Variants in RBFOX1 observed in about 807,000 individuals in gnomAD.
The protein encoded by RBFOX1 is RNA binding fox-1 homolog 1, also known as RNA binding protein fox-1 homolog 1.
A neutral mutation model predicts 57.7 loss-of-function variants in RBFOX1; 8 were observed. The observed-to-expected ratio is 0.14, with a 90% CI of 0.08 to 0.25. RBFOX1 has a LOEUF of 0.25. RBFOX1 is among the 10% of genes least tolerant of loss of function. The probability of loss-of-function intolerance (pLI) is 1.00; values close to 1 mark genes in which losing one functional copy is unlikely to be tolerated. For missense variants in RBFOX1, 611 were observed against 548.5 expected (o/e 1.11, Z -1.14); for synonymous variants, 326 against 222.4 (o/e 1.47, Z -4.15).
At chr16:7,621,414 C>G (rs1399973845) in intron 10 of RBFOX1, among the ~76,000 whole-genome samples, 5 of 152,074 alleles carry the variant, frequency 3.3e-5, no homozygotes, top group African/African-American at 1.2e-4. Context: ...GCATATGCCA[C>G]CACGCCTGGC....
At chr16:7,477,769 C>G (rs112309152) in intron 4 of RBFOX1, among the ~76,000 whole-genome samples, 49 of 152,178 alleles carry the variant, frequency 3.2e-4, no homozygotes, top group African/African-American at 1.2e-3. Flanking sequence ...CCTTTCCCTT[C>G]TCTTCCCATA....
At chr16:6,280,543 C>T (rs1225290584) in intron 1 of RBFOX1, among the ~76,000 whole-genome samples, 1 of 152,098 alleles carries the variant, frequency 6.6e-6, no homozygotes, top group Non-Finnish European at 1.5e-5. Flanking sequence ...CATGCGTCCA[C>T]ACAGCATCCA....
chr16:5,421,130 G>A (rs930413096), intron 1 of RBFOX1, among the ~76,000 whole-genome samples: 3 of 151,248 alleles, frequency 2.0e-5, no homozygotes, highest in South Asian at 2.1e-4. Flanking sequence ...CCTTAGCCTC[G>A]AGAGTAGCTG....
At position 6,097,498 on chromosome 16, in the gene RBFOX1, AC is replaced by A. The variant is rs1315001066; in HGVS notation, c.-127+77508del. ...AGAAGCAGAATCTCTGGTGGCAGGA[AC>A]CAGCAATCTGTGCTTTCAACAAGCT... On this transcript the variant is annotated intron_variant, in intron 1 of 15. Coordinates refer to ENST00000550418, the MANE Select transcript of RBFOX1 (RefSeq NM_018723.4). This position sits in a 1 kb window ranked among gnomAD's most constrained non-coding sequence, Gnocchi z 5.0. Among the ~76,000 whole-genome samples the A allele has an allele frequency of 6.6e-6, 1 of 152,170 alleles. No individual in the cohort carries two copies. The highest frequency in any genetic ancestry group is 1.5e-5 in the Non-Finnish European group (1 of 68,026).
intron 2 of RBFOX1, among the ~76,000 whole-genome samples, chr16:6,404,088 G>A (rs1596670477): frequency 6.6e-6 from 1 of 152,068 alleles, no homozygotes; most frequent in South Asian, 2.1e-4. Flanking sequence ...CATGTCCATG[G>A]ACTCGGCATC....
chr16:7,545,553 T>C (rs1049999110), intron 5 of RBFOX1, among the ~76,000 whole-genome samples: 1 of 152,136 alleles, frequency 6.6e-6, no homozygotes, highest in Admixed American at 6.5e-5. Context: ...TGCTATTTCT[T>C]AGAGCTTAGG....
intron 2 of RBFOX1, among the ~76,000 whole-genome samples, chr16:6,618,475 C>T (rs1477687904): frequency 6.6e-6 from 1 of 152,182 alleles, no homozygotes; most frequent in Non-Finnish European, 1.5e-5. Flanking sequence ...TAGTAGCACA[C>T]ACTTCCTGAT....
intron 2 of RBFOX1, among the ~76,000 whole-genome samples, chr16:6,518,791 G>GTGTC (rs1479145316): frequency 8.4e-4 from 118 of 140,880 alleles, no homozygotes; most frequent in African/African-American, 2.6e-3. Flanking sequence ...GTCTGTCTGT[G>GTGTC]TGTCTGTCTA....
intron 1 of RBFOX1, among the ~76,000 whole-genome samples, chr16:6,284,955 C>G (rs1334243066): frequency 6.6e-6 from 1 of 152,064 alleles, no homozygotes; most frequent in Non-Finnish European, 1.5e-5. Context: ...TCTTGCCTGA[C>G]ACAGAAAACC....
chr16:6,560,037 G>A (rs925612541), intron 2 of RBFOX1, among the ~76,000 whole-genome samples: 2 of 152,078 alleles, frequency 1.3e-5, no homozygotes, highest in African/African-American at 4.8e-5. Context: ...TACTACCTAT[G>A]CTAAAATCAT....
chr16:7,037,870 A>G (rs945748032), intron 3 of RBFOX1, among the ~76,000 whole-genome samples: 3 of 152,206 alleles, frequency 2.0e-5, no homozygotes, highest in African/African-American at 7.2e-5. Flanking sequence ...CTGCCCAGAT[A>G]AGGCCATGGC....
intron 4 of RBFOX1, among the ~76,000 whole-genome samples, chr16:7,208,478 T>C (rs932269305): frequency 6.6e-6 from 1 of 152,148 alleles, no homozygotes; most frequent in East Asian, 1.9e-4. Context: ...GGAGCTGGTA[T>C]GTGCAGAGAT....
intron 3 of RBFOX1, among the ~76,000 whole-genome samples, chr16:6,978,604 G>A (rs8051080): frequency 0.59 from 89,333 of 152,062 alleles, 27,724 homozygotes; most frequent in Non-Finnish European, 0.69. Flanking sequence ...CAGGTTGGGT[G>A]CCTTCCACAT....
At chr16:5,696,475 A>G (rs1166220823) in intron 3 of RBFOX1, among the ~76,000 whole-genome samples, 2 of 152,200 alleles carry the variant, frequency 1.3e-5, no homozygotes, top group Non-Finnish European at 2.9e-5. Flanking sequence ...ATAATTGTGA[A>G]CTTGCTTCCT....
At chr16:5,589,335 C>T (rs190056216) in intron 2 of RBFOX1, among the ~76,000 whole-genome samples, 5 of 152,288 alleles carry the variant, frequency 3.3e-5, no homozygotes, top group East Asian at 3.9e-4. Context: ...GGGGTCCCAG[C>T]GTTCAACTTA....
At chr16:5,740,056 C>T (rs2052720455) in intron 3 of RBFOX1, among the ~76,000 whole-genome samples, 1 of 152,156 alleles carries the variant, frequency 6.6e-6, no homozygotes, top group Non-Finnish European at 1.5e-5. Flanking sequence ...TATTTTTCCA[C>T]AGCAAACAGA....
At chr16:6,209,507 C>G in intron 1 of RBFOX1, among the ~76,000 whole-genome samples, 1 of 152,196 alleles carries the variant, frequency 6.6e-6, no homozygotes, top group Admixed American at 6.5e-5. Flanking sequence ...TATCAGGGGC[C>G]AAGGCCAAGC....
intron 2 of RBFOX1, among the ~76,000 whole-genome samples, chr16:6,502,542 A>G (rs1303657657): frequency 1.3e-5 from 2 of 152,200 alleles, no homozygotes; most frequent in Admixed American, 1.3e-4. Flanking sequence ...ACCTTAGCAT[A>G]GTACCTAACA....
At chr16:5,381,112 C>T (rs1384707329) in intron 1 of RBFOX1, among the ~76,000 whole-genome samples, 1 of 152,130 alleles carries the variant, frequency 6.6e-6, no homozygotes. Flanking sequence ...GGACAGGATG[C>T]TGAAGGAGGA....
Sources: allele counts gnomAD v4.1 joint callset (sites outside exome capture counted in the v4.1 genomes callset), GRCh38; gene constraint gnomAD v4.1.1; non-coding constraint Gnocchi (gnomAD v3.1); transcripts MANE v1.5; gene names NCBI Gene and HGNC (gene_info 2026-07-23, HGNC 2026-07-21).